Variants in CRACDL observed in about 807,000 individuals in gnomAD.
CRACDL encodes the protein CRACD-like protein.
A neutral mutation model predicts 70.6 loss-of-function variants in CRACDL; 26 were observed. The ratio of observed to expected loss-of-function variants is 0.37; its 90% confidence interval spans 0.27 to 0.51. The LOEUF is 0.51. Among genes scored for constraint, CRACDL ranks in the 20% least tolerant of loss-of-function variants. CRACDL has a pLI of 0.94. For synonymous variants in CRACDL, 618 were observed against 615.2 expected (o/e 1.00, Z -0.07); for missense variants, 1,283 against 1,376.9 (o/e 0.93, Z 1.08).
At chr2:98,884,596 C>T (rs965664610) in intron 1 of CRACDL, among the ~76,000 whole-genome samples, 2 of 152,138 alleles carry the variant, frequency 1.3e-5, no homozygotes, top group Admixed American at 6.5e-5. Context: ...AAACCTAATC[C>T]CCAGTGCAAT....
chr2:98,835,084 A>G (rs72811068), intron 3 of CRACDL, among the ~76,000 whole-genome samples: 5,627 of 152,312 alleles, frequency 0.037, 138 homozygotes, highest in Middle Eastern at 0.065. Context: ...GTTAAAGAAA[A>G]TAAGTCATTT....
chr2:98,934,369 A>G (rs1558646631), intron 1 of CRACDL, among the ~76,000 whole-genome samples: 2 of 151,528 alleles, frequency 1.3e-5, no homozygotes, highest in East Asian at 1.9e-4. Context: ...TTTGTTTTGT[A>G]TTTTTAGTAG....
At position 98,821,937 on chromosome 2, in the gene CRACDL, G is replaced by A. The variant is rs374304519; in HGVS notation, c.2336C>T (p.Pro779Leu). ...CCGCTCTCCCGGGCCGGCGTCGGGGGGCGCGGGCTGGTGCGGGAGCGTGAA... is the reference window on the plus strand; with the variant it reads ...CCGCTCTCCCGGGCCGGCGTCGGGGAGCGCGGGCTGGTGCGGGAGCGTGAA... The part of the protein sequence containing the change: ...QSFTLPHQPA[P>L]PDAGPGEREP... The change falls in exon 7 of 10, where the codon CCC (proline) becomes CTC (leucine). Residue 779 changes from proline to leucine, a missense_variant. Transcript: ENST00000397899. 3.2e-6 allele frequency: 5 copies of A among 1,563,590 alleles called. No homozygotes were observed. The African/African-American group carries it at 4.2e-5, about 13-fold the overall frequency.
At chr2:98,882,406 G>A (rs1707676199) in intron 1 of CRACDL, among the ~76,000 whole-genome samples, 2 of 152,252 alleles carry the variant, frequency 1.3e-5, no homozygotes, top group South Asian at 4.1e-4. Flanking sequence ...TCAGGGACAG[G>A]TATGTGACTG....
intron 7 of CRACDL, among the ~76,000 whole-genome samples, chr2:98,798,066 G>A (rs554357833): frequency 8.5e-5 from 13 of 152,264 alleles, no homozygotes; most frequent in East Asian, 3.9e-4. Context: ...AGAGTTGGCC[G>A]GGTGCGGTGG....
intron 1 of CRACDL, among the ~76,000 whole-genome samples, chr2:98,858,300 A>G (rs1362678597): frequency 6.6e-6 from 1 of 152,138 alleles, no homozygotes; most frequent in Non-Finnish European, 1.5e-5. Context: ...GGATCACATG[A>G]GGCCAGGAGT....
At chr2:98,882,504 G>T (rs1707678896) in intron 1 of CRACDL, among the ~76,000 whole-genome samples, 1 of 152,198 alleles carries the variant, frequency 6.6e-6, no homozygotes, top group Non-Finnish European at 1.5e-5. Context: ...GAAAATGAGA[G>T]TCTATGAAGG....
At chr2:98,846,027 A>G (rs983820129) in intron 2 of CRACDL, among the ~76,000 whole-genome samples, 1 of 152,242 alleles carries the variant, frequency 6.6e-6, no homozygotes, top group Non-Finnish European at 1.5e-5. Context: ...TGGCATTTTC[A>G]GTGTAAATAA....
intron 1 of CRACDL, chr2:98,869,381 G>A (rs1558614255): frequency 7.5e-6 from 6 of 800,160 alleles, no homozygotes; most frequent in Non-Finnish European, 1.0e-5. Flanking sequence ...TCTAAGAAAC[G>A]CAATGCACTT....
intron 1 of CRACDL, among the ~76,000 whole-genome samples, chr2:98,903,125 G>A (rs2104660456): frequency 6.6e-6 from 1 of 152,194 alleles, no homozygotes; most frequent in South Asian, 2.1e-4. Flanking sequence ...CTCCTTAGGA[G>A]ACCTAACCTC....
intron 1 of CRACDL, among the ~76,000 whole-genome samples, chr2:98,848,070 A>G (rs983062828): frequency 3.9e-5 from 6 of 152,152 alleles, no homozygotes; most frequent in African/African-American, 1.4e-4. Context: ...TTGGAACCTC[A>G]CCAGATTTGA....
chr2:98,845,983 G>GT (rs1706238569), intron 2 of CRACDL, among the ~76,000 whole-genome samples: 2 of 152,132 alleles, frequency 1.3e-5, no homozygotes, highest in Non-Finnish European at 2.9e-5. Flanking sequence ...ATTGGGAGCT[G>GT]TTTCTCCTGA....
intron 1 of CRACDL, among the ~76,000 whole-genome samples, chr2:98,863,521 G>T (rs1380023684): frequency 6.6e-6 from 1 of 152,090 alleles, no homozygotes; most frequent in East Asian, 1.9e-4. Flanking sequence ...TTGTAAAAAT[G>T]GTTTGTAACT....
rs1173322192 is a variant in CRACDL, at chr2:98,866,475, C to CTTTTTTTT, written c.-10-19673_-10-19666dup. Among the ~76,000 whole-genome samples, 144 of 43,242 alleles carry CTTTTTTTT rather than the reference C, an allele frequency of 3.3e-3. 10 individuals carry two copies. Among genetic ancestry groups the CTTTTTTTT allele is most frequent in the Admixed American group, 8.2e-3 (25 of 3,062 alleles). 28.4% of individuals were successfully genotyped at this position (43,242 alleles called of 152,430 possible). A position where few individuals can be genotyped will look rare whatever the true frequency, so the allele number is the denominator to read the frequency against. On this transcript the variant is annotated intron_variant, in intron 1 of 9. Coordinates refer to ENST00000397899, the MANE Select transcript of CRACDL (RefSeq NM_207362.3). Reference sequence around the variant, plus strand: ...CTGATAGATGAAACAATCACTTCTTCTTTTTTTTTTTTTTTTTTTTTTTTT... The same window carrying CTTTTTTTT: ...CTGATAGATGAAACAATCACTTCTTCTTTTTTTTTTTTTTTTTTTTTTTTTTTTTTTTT...
Position 98,866,475 on chromosome 2 carries a change from CTTTTTTTTT to C in CRACDL, c.-10-19674_-10-19666del, listed in dbSNP as rs1173322192. The stretch of plus-strand genomic sequence containing the variant: ...CTGATAGATGAAACAATCACTTCTT[CTTTTTTTTT>C]TTTTTTTTTTTTTTTTTTTTGAGAC... On this transcript the variant is annotated intron_variant, in intron 1 of 9. Transcript: ENST00000397899. 4.6e-3 allele frequency among the ~76,000 whole-genome samples: 197 copies of C among 43,242 alleles called. 2 individuals carry two copies. The highest frequency in any genetic ancestry group is 0.019 in the African/African-American group (187 of 9,972). The allele number at this position is 43,242 out of a possible 152,430, so 28.4% of individuals were successfully genotyped here.
intron 1 of CRACDL, among the ~76,000 whole-genome samples, chr2:98,916,776 G>A (rs1276565315): frequency 1.3e-5 from 2 of 152,152 alleles, no homozygotes; most frequent in Non-Finnish European, 2.9e-5. Flanking sequence ...GAGAAGGGGT[G>A]AGAGGCCAGG....
At chr2:98,843,636 T>C (rs1452011856) in intron 2 of CRACDL, among the ~76,000 whole-genome samples, 3 of 152,242 alleles carry the variant, frequency 2.0e-5, no homozygotes, top group Non-Finnish European at 2.9e-5. Context: ...TTTTATCCAA[T>C]GAATTGATTT....
chr2:98,905,006 T>G (rs913293259), intron 1 of CRACDL, among the ~76,000 whole-genome samples: 2 of 151,202 alleles, frequency 1.3e-5, no homozygotes, highest in African/African-American at 2.4e-5. Context: ...ATCCCAGCAC[T>G]TTGGGAGGCT....
At chr2:98,820,971 A>T (rs1299570183) in intron 7 of CRACDL, among the ~76,000 whole-genome samples, 3 of 152,212 alleles carry the variant, frequency 2.0e-5, no homozygotes, top group Non-Finnish European at 2.9e-5. Context: ...TAGGCCCTGA[A>T]AGAACCTGCA....
Sources: gnomAD v4.1 joint callset for allele counts (sites outside exome capture counted in the v4.1 genomes callset) on GRCh38, gnomAD v4.1.1 for gene constraint, MANE v1.5 for transcripts, NCBI Gene and HGNC (gene_info 2026-07-23, HGNC 2026-07-21) for gene names.